Variants in FOXP2 observed in about 807,000 individuals in gnomAD.
The protein encoded by FOXP2 is forkhead box P2, also known as forkhead box protein P2.
Under a neutral mutation model 115.8 loss-of-function variants are expected in FOXP2, and 12 were observed. The ratio of observed to expected loss-of-function variants is 0.10; its 90% confidence interval spans 0.07 to 0.17. FOXP2 has a LOEUF of 0.17. Among genes scored for constraint, FOXP2 ranks in the 10% least tolerant of loss-of-function variants. FOXP2 has a pLI of 1.00. For missense variants in FOXP2, 629 were observed against 843.5 expected, an observed-to-expected ratio of 0.75 and a Z score of 3.15; for synonymous variants, 328 against 297.7, an observed-to-expected ratio of 1.10 and a Z score of -1.05.
intron 2 of FOXP2, chr7:114,297,387 C>A (rs1222006956): frequency 2.8e-6 from 2 of 723,720 alleles, no homozygotes; most frequent in East Asian, 3.8e-5. Context: ...CACCTTGTGG[C>A]CCTTGTTGAG....
intron 3 of FOXP2, among the ~76,000 whole-genome samples, chr7:114,536,218 G>A (rs1799384906): frequency 1.3e-5 from 2 of 151,508 alleles, no homozygotes; most frequent in East Asian, 3.9e-4. Flanking sequence ...TGAAGTTACT[G>A]TTTTGAGTGT....
At chr7:114,652,773 G>A (rs1403603643) in intron 9 of FOXP2, among the ~76,000 whole-genome samples, 1 of 151,766 alleles carries the variant, frequency 6.6e-6, no homozygotes, top group Non-Finnish European at 1.5e-5. Flanking sequence ...TAAAGAACTT[G>A]CAAAAAAATC....
upstream of FOXP2, among the ~76,000 whole-genome samples, chr7:114,413,409 A>G (rs1199284728): frequency 6.6e-6 from 1 of 152,086 alleles, no homozygotes; most frequent in Non-Finnish European, 1.5e-5. Flanking sequence ...CTGATAAAAA[A>G]ATGTTAAAAA....
At chr7:114,689,682 T>G in intron 16 of FOXP2, 100 bp from the exon 17 acceptor site, 4 of 1,172,206 alleles carry the variant, frequency 3.4e-6, no homozygotes, top group Non-Finnish European at 5.0e-6. Context: ...CAATGTTGTG[T>G]CTTCTTGCCT....
chr7:114,555,141 CT>C (rs1800395519), intron 3 of FOXP2, among the ~76,000 whole-genome samples: 1 of 152,140 alleles, frequency 6.6e-6, no homozygotes, highest in Non-Finnish European at 1.5e-5. Flanking sequence ...TTTTAATTTG[CT>C]TTGGTAGCAT....
At chr7:114,320,100 AT>A (rs5886697) in intron 2 of FOXP2, among the ~76,000 whole-genome samples, 72,818 of 151,832 alleles carry the variant, frequency 0.48, 19,199 homozygotes, top group Middle Eastern at 0.6. Context: ...TACTCATAAT[AT>A]ATGCTTTTTA....
At chr7:114,118,401 A>G (rs1394634127) in intron 1 of FOXP2, among the ~76,000 whole-genome samples, 1 of 152,018 alleles carries the variant, frequency 6.6e-6, no homozygotes, top group Non-Finnish European at 1.5e-5. Context: ...CTAAGAATAG[A>G]CAGGTATAGT....
In FOXP2 at chr7:114,691,973, A is replaced by G. The variant is rs1379667966; in HGVS notation, c.*2047A>G. ...AAAAAAAAAGAAAAACATTAGAACA[A>G]TTATGGCAGATTGCATGAAACGTGA... is the stretch of plus-strand genomic sequence containing the variant. On this transcript the variant is annotated 3_prime_UTR_variant, in exon 17 of 17. Coordinates refer to ENST00000350908, the MANE Select transcript of FOXP2 (RefSeq NM_014491.4). 6.9e-6 allele frequency: 3 copies of G among 435,258 alleles called. No individual in the cohort carries two copies. The highest frequency in any genetic ancestry group is 1.4e-5 in the Non-Finnish European group (3 of 221,982). 27.0% of individuals were successfully genotyped at this position (435,258 alleles called of 1,614,324 possible).
intron 2 of FOXP2, among the ~76,000 whole-genome samples, chr7:114,383,095 C>G (rs1486496146): frequency 7.2e-5 from 11 of 152,128 alleles, no homozygotes; most frequent in African/African-American, 2.7e-4. Context: ...TCGCCAAACT[C>G]TTGGGTTGCA....
intron 2 of FOXP2, among the ~76,000 whole-genome samples, chr7:114,351,277 T>G (rs1314588703): frequency 6.6e-6 from 1 of 152,206 alleles, no homozygotes; most frequent in Non-Finnish European, 1.5e-5. Flanking sequence ...ATACTGTTAT[T>G]ATTTTCAAGA....
chr7:114,224,270 T>C (rs1794694379), intron 1 of FOXP2, among the ~76,000 whole-genome samples: 1 of 152,158 alleles, frequency 6.6e-6, no homozygotes, highest in Non-Finnish European at 1.5e-5. Context: ...CTTTTTTATA[T>C]GAATTTTACA....
intron 1 of FOXP2, among the ~76,000 whole-genome samples, chr7:114,285,633 A>G (rs1437884047): frequency 1.3e-5 from 2 of 152,078 alleles, no homozygotes; most frequent in African/African-American, 2.4e-5. Context: ...TCATCTTTCT[A>G]TATTCTTATC....
Position 114,642,817 on chromosome 7 carries a change from T to A in FOXP2, c.989+194T>A, listed in dbSNP as rs1268184505. Among the ~76,000 whole-genome samples, 162 of 128,036 alleles carry A rather than the reference T, an allele frequency of 1.3e-3. 1 individual carries two copies. Among genetic ancestry groups the A allele is most frequent in the African/African-American group, 4.6e-3 (151 of 33,032 alleles). 84.0% of individuals were successfully genotyped at this position (128,036 alleles called of 152,430 possible). On this transcript the variant is annotated intron_variant, in intron 7 of 16. Transcript: ENST00000350908. ...ATATATATATATATATATATATTTT[T>A]TTTTTTTTTTAGGCAGAGTCTTGCT... is the stretch of plus-strand genomic sequence containing the variant.
At chr7:114,146,312 A>T (rs1792367071) in intron 1 of FOXP2, among the ~76,000 whole-genome samples, 1 of 152,242 alleles carries the variant, frequency 6.6e-6, no homozygotes, top group Admixed American at 6.5e-5. Flanking sequence ...GGCATAATAC[A>T]TGTTGAATTG....
chr7:114,110,437 A>C (rs907872916), intron 1 of FOXP2, among the ~76,000 whole-genome samples: 1 of 152,220 alleles, frequency 6.6e-6, no homozygotes, highest in Non-Finnish European at 1.5e-5. Flanking sequence ...CCATTTAAAA[A>C]TACCAACAAC....
At chr7:114,592,925 T>C (rs1187777391) in intron 3 of FOXP2, among the ~76,000 whole-genome samples, 1 of 151,956 alleles carries the variant, frequency 6.6e-6, no homozygotes, top group Non-Finnish European at 1.5e-5. Flanking sequence ...GATAAAACAT[T>C]TGAGAGTCGT....
At chr7:114,610,785 C>G (rs970892727) in intron 3 of FOXP2, among the ~76,000 whole-genome samples, 1 of 151,726 alleles carries the variant, frequency 6.6e-6, no homozygotes, top group Non-Finnish European at 1.5e-5. Context: ...CAGACATATG[C>G]CACCATGTCT....
intron 2 of FOXP2, among the ~76,000 whole-genome samples, chr7:114,334,430 A>G (rs1441083505): frequency 6.6e-6 from 1 of 152,146 alleles, no homozygotes; most frequent in Non-Finnish European, 1.5e-5. Context: ...AGAATGATAA[A>G]TAGAGCAGGG....
chr7:114,609,054 C>A (rs538177776), intron 3 of FOXP2, among the ~76,000 whole-genome samples: 5 of 151,628 alleles, frequency 3.3e-5, no homozygotes, highest in Non-Finnish European at 4.4e-5. Flanking sequence ...CAAAACAAAA[C>A]AAAACAAAAT....
Sources: gnomAD v4.1 joint callset for allele counts (sites outside exome capture counted in the v4.1 genomes callset) on GRCh38, gnomAD v4.1.1 for gene constraint, MANE v1.5 for transcripts, NCBI Gene and HGNC (gene_info 2026-07-23, HGNC 2026-07-21) for gene names.